METTL15: variants seen among roughly 807,000 people sequenced by gnomAD.
The protein encoded by METTL15 is 12S rRNA N(4)-cytidine methyltransferase METTL15.
METTL15 carries 34 observed loss-of-function variants against 38.3 expected under a neutral mutation model. The ratio of observed to expected loss-of-function variants is 0.89; its 90% CI spans 0.68 to 1.18. METTL15 has a LOEUF of 1.18. Among genes scored for constraint, METTL15 ranks in the 50% most tolerant of loss-of-function variants. The pLI is 0.00. For missense variants in METTL15, 438 were observed against 498.4 expected, an observed-to-expected ratio of 0.88 and a Z score of 1.15; for synonymous variants, 162 against 170.9, an observed-to-expected ratio of 0.95 and a Z score of 0.41.
chr11:28,327,237 C>T (rs1024505866), intron 6 of METTL15, among the ~76,000 whole-genome samples: 1 of 152,150 alleles, frequency 6.6e-6, no homozygotes, highest in Non-Finnish European at 1.5e-5. Context: ...TCCAGGAAAT[C>T]CATCAGACAT....
chr11:28,170,781 G>A (rs755581478), intron 3 of METTL15, among the ~76,000 whole-genome samples: 20 of 152,066 alleles, frequency 1.3e-4, no homozygotes, highest in Non-Finnish European at 2.5e-4. Context: ...CATTTTCATC[G>A]CTATCTTGGT....
intron 4 of METTL15, among the ~76,000 whole-genome samples, chr11:28,264,455 A>ATGTT (rs201008692): frequency 4.6e-5 from 7 of 151,928 alleles, no homozygotes; most frequent in East Asian, 1.9e-4. Context: ...ACCTTAAAAT[A>ATGTT]TGTTTGTTTG....
intron 6 of METTL15, among the ~76,000 whole-genome samples, chr11:28,467,357 C>T (rs1851265679): frequency 6.6e-6 from 1 of 152,174 alleles, no homozygotes; most frequent in African/African-American, 2.4e-5. Context: ...TGCATAACAC[C>T]TCCGTGGGCA....
intron 6 of METTL15, among the ~76,000 whole-genome samples, chr11:28,497,158 C>T (rs1414637578): frequency 6.6e-6 from 1 of 152,186 alleles, no homozygotes; most frequent in African/African-American, 2.4e-5. Context: ...AGAGAAAGGA[C>T]AAATTGTCAT....
intron 4 of METTL15, chr11:28,361,892 C>T (rs950797306): frequency 2.6e-5 from 4 of 152,080 alleles, no homozygotes; most frequent in Non-Finnish European, 5.9e-5. Context: ...CAGAGGCTCT[C>T]CCTGTGCAAT....
intron 6 of METTL15, among the ~76,000 whole-genome samples, chr11:28,509,711 T>C (rs1230176555): frequency 6.6e-6 from 1 of 152,198 alleles, no homozygotes; most frequent in East Asian, 1.9e-4. Context: ...TTAGATCTCC[T>C]AAGAGTTCTT....
chr11:28,425,727 T>G (rs1850858080), intron 6 of METTL15, among the ~76,000 whole-genome samples: 2 of 152,188 alleles, frequency 1.3e-5, no homozygotes, highest in South Asian at 4.1e-4. Flanking sequence ...TTTAAGCTCC[T>G]TAAAGGCATA....
chr11:28,403,187 G>A (rs78578011), intron 5 of METTL15, among the ~76,000 whole-genome samples: 1 of 151,962 alleles, frequency 6.6e-6, no homozygotes, highest in African/African-American at 2.4e-5. Flanking sequence ...TTCTCCAGTG[G>A]ACACTAGCTT....
At chr11:28,175,991 A>C (rs962631244) in intron 3 of METTL15, among the ~76,000 whole-genome samples, 2 of 151,960 alleles carry the variant, frequency 1.3e-5, no homozygotes, top group African/African-American at 4.8e-5. Flanking sequence ...ATTTTGCTGT[A>C]GGGAGGTCAA....
At chr11:28,312,037 G>A (rs1857322535) in intron 6 of METTL15, among the ~76,000 whole-genome samples, 1 of 152,070 alleles carries the variant, frequency 6.6e-6, no homozygotes, top group Non-Finnish European at 1.5e-5. Flanking sequence ...TTTTGTTGAA[G>A]TTGTTATTCC....
chr11:28,462,960 A>G (rs1380067766), intron 6 of METTL15, among the ~76,000 whole-genome samples: 1 of 152,094 alleles, frequency 6.6e-6, no homozygotes, highest in East Asian at 1.9e-4. Context: ...TTCATGGCCC[A>G]TTGTTTGTTG....
intron 2 of METTL15, among the ~76,000 whole-genome samples, chr11:28,112,564 C>G (rs1590732416): frequency 6.6e-6 from 1 of 152,030 alleles, no homozygotes; most frequent in Non-Finnish European, 1.5e-5. Flanking sequence ...TTATGGATTG[C>G]TGAAGAAAAT....
intron 4 of METTL15, among the ~76,000 whole-genome samples, chr11:28,265,168 C>T (rs1855362928): frequency 6.6e-6 from 1 of 151,916 alleles, no homozygotes; most frequent in South Asian, 2.1e-4. Flanking sequence ...AACACATAAA[C>T]TTTTAAATCT....
At chr11:28,212,451 G>A (rs1445679101) in intron 4 of METTL15, among the ~76,000 whole-genome samples, 1 of 152,086 alleles carries the variant, frequency 6.6e-6, no homozygotes, top group Non-Finnish European at 1.5e-5. Flanking sequence ...GAGTTCACTT[G>A]GTTATGATGT....
intron 3 of METTL15, chr11:28,123,751 T>G: frequency 1.6e-6 from 1 of 637,652 alleles, no homozygotes; most frequent in Non-Finnish European, 2.5e-6. Flanking sequence ...CATATATTTT[T>G]TATCTTTGTC....
intron 5 of METTL15, among the ~76,000 whole-genome samples, chr11:28,414,357 A>AG: frequency 1.3e-5 from 2 of 152,082 alleles, no homozygotes; most frequent in Non-Finnish European, 2.9e-5. Context: ...AACCTGTTCA[A>AG]TCTCCTGCCA....
At chr11:28,141,270 C>G (rs1283530752) in intron 3 of METTL15, among the ~76,000 whole-genome samples, 1 of 152,092 alleles carries the variant, frequency 6.6e-6, no homozygotes, top group African/African-American at 2.4e-5. Flanking sequence ...GCAGGTGTTA[C>G]AGGACTGGTT....
intron 6 of METTL15, among the ~76,000 whole-genome samples, chr11:28,428,499 G>A (rs540240845): frequency 6.6e-6 from 1 of 152,202 alleles, no homozygotes; most frequent in East Asian, 1.9e-4. Flanking sequence ...AGTTCTATGT[G>A]GTTATAATTA....
At chr11:28,145,690 A>G (rs1402156390) in intron 3 of METTL15, 1 of 152,120 alleles carries the variant, frequency 6.6e-6, no homozygotes, top group Non-Finnish European at 1.5e-5. Flanking sequence ...TAAAAAAATT[A>G]TTAATATAAT....
Sources: allele counts gnomAD v4.1 joint callset (sites outside exome capture counted in the v4.1 genomes callset), GRCh38; gene constraint gnomAD v4.1.1; transcripts MANE v1.5; gene names NCBI Gene and HGNC (gene_info 2026-07-23, HGNC 2026-07-21).